Variants in QKI observed in about 807,000 individuals in gnomAD.
QKI encodes the protein KH domain-containing RNA-binding protein QKI.
QKI carries 10 observed loss-of-function variants against 39.0 expected under a neutral mutation model. The ratio of observed to expected loss-of-function variants is 0.26; its 90% CI spans 0.16 to 0.43. The LOEUF (loss-of-function observed/expected upper bound fraction) is 0.43, where lower values mean the gene tolerates loss of function less well. Among genes scored for constraint, QKI ranks in the 20% least tolerant of loss-of-function variants. The probability of loss-of-function intolerance (pLI) is 1.00; values close to 1 mark genes in which losing one functional copy is unlikely to be tolerated. For missense variants in QKI, 218 were observed against 428.0 expected (o/e 0.51, Z 4.33); for synonymous variants, 204 against 155.4 (o/e 1.31, Z -2.33).
chr6:163,565,234 A>G (rs527836814), intron 6 of QKI: 13 of 988,718 alleles, frequency 1.3e-5, no homozygotes, highest in Non-Finnish European at 1.6e-5. Context: ...TTTCTTTTCT[A>G]TTAATACTCT....
At chr6:163,478,499 T>C (rs1299138803) in intron 2 of QKI, among the ~76,000 whole-genome samples, 1 of 152,188 alleles carries the variant, frequency 6.6e-6, no homozygotes, top group Non-Finnish European at 1.5e-5. Context: ...ACTCTCTGTT[T>C]TAGGTTATTT....
Position 163,574,234 on chromosome 6 carries a change from T to C in QKI, c.*3524T>C, listed in dbSNP as rs924095058. ...ACCAGTTTGATTCTTTGTTGAACCA[T>C]TTCTTTTAATTTCTGTAAATAAGTA... On this transcript the variant is annotated 3_prime_UTR_variant, in exon 8 of 8. Coordinates refer to ENST00000361752, the MANE Select transcript of QKI (RefSeq NM_006775.3). 1.3e-5 allele frequency: 2 copies of C among 152,236 alleles called. No individual in the cohort carries two copies. The highest frequency in any genetic ancestry group is 4.8e-5 in the African/African-American group (2 of 41,462). The allele number at this position is 152,236 out of a possible 1,614,324, so 9.4% of individuals were successfully genotyped here. A position where few individuals can be genotyped will look rare whatever the true frequency, so the allele number is the denominator to read the frequency against.
rs540696879 is a variant in QKI at position 163,528,923 on chromosome 6, G to A, written c.403-6059G>A. Among the ~76,000 whole-genome samples, 16 of 152,250 alleles carry A rather than the reference G, an allele frequency of 1.1e-4. No individual in the cohort carries two copies. In the East Asian group the frequency reaches 3.1e-3, roughly 29 times the overall value. Reference sequence around the variant, plus strand: ...TATAGTATTTATATGTAATTTGCCTGTGCTGTCACTTTGCTGTTATATTGA... The same window carrying A: ...TATAGTATTTATATGTAATTTGCCTATGCTGTCACTTTGCTGTTATATTGA... On this transcript the variant is annotated intron_variant, in intron 3 of 7. Coordinates refer to ENST00000361752, the MANE Select transcript of QKI (RefSeq NM_006775.3).
At chr6:163,537,518 A>T (rs1437668012) in intron 4 of QKI, among the ~76,000 whole-genome samples, 1 of 152,176 alleles carries the variant, frequency 6.6e-6, no homozygotes, top group Non-Finnish European at 1.5e-5. Flanking sequence ...CTTGAAATGT[A>T]CCTTTAATAG....
chr6:163,457,337 C>G (rs772499519), intron 2 of QKI: 115 of 455,838 alleles, frequency 2.5e-4, no homozygotes, highest in Non-Finnish European at 4.9e-4. Context: ...GGACTTGAGT[C>G]TAGAGGGCAC....
In QKI at chr6:163,569,799, T is replaced by G. The variant is rs45599034; in HGVS notation, c.1010-895T>G. The G allele has an allele frequency of 2.2e-3, 2,138 of 984,822 alleles. 2 individuals are homozygous for G. Among genetic ancestry groups the G allele is most frequent in the Non-Finnish European group, 2.4e-3 (2,008 of 828,510 alleles). The allele number at this position is 984,822 out of a possible 1,614,324, so 61.0% of individuals were successfully genotyped here. A position where few individuals can be genotyped will look rare whatever the true frequency, so the allele number is the denominator to read the frequency against. On this transcript the variant is annotated intron_variant, in intron 7 of 7. Coordinates refer to ENST00000361752, the MANE Select transcript of QKI (RefSeq NM_006775.3). Reference sequence around the variant, plus strand: ...GCAGAGTATTAGCTTTGAAATTGAATAAAGAAAGCTGTTTGTAGTTTTAAA... The same window carrying G: ...GCAGAGTATTAGCTTTGAAATTGAAGAAAGAAAGCTGTTTGTAGTTTTAAA...
At chr6:163,432,810 G>T (rs1289357295) in intron 1 of QKI, among the ~76,000 whole-genome samples, 2 of 152,170 alleles carry the variant, frequency 1.3e-5, no homozygotes, top group African/African-American at 4.8e-5. Flanking sequence ...TTGATGTTCT[G>T]TACAGGTTGT....
At chr6:163,524,073 T>C (rs1254945236) in intron 3 of QKI, among the ~76,000 whole-genome samples, 1 of 152,196 alleles carries the variant, frequency 6.6e-6, no homozygotes, top group Non-Finnish European at 1.5e-5. Context: ...GTCCATTTTG[T>C]GTACTGCTTG....
intron 1 of QKI, among the ~76,000 whole-genome samples, chr6:163,453,062 T>C (rs1192588436): frequency 1.3e-5 from 2 of 151,942 alleles, no homozygotes; most frequent in African/African-American, 4.8e-5. Context: ...TCATTTTATC[T>C]GAATTTTCTG....
intron 1 of QKI, among the ~76,000 whole-genome samples, chr6:163,453,311 T>C (rs1790710403): frequency 6.6e-6 from 1 of 152,148 alleles, no homozygotes; most frequent in Non-Finnish European, 1.5e-5. Context: ...GCAAATTTTA[T>C]CTATAGTTTT....
chr6:163,421,205 T>TA (rs1787965656), intron 1 of QKI, among the ~76,000 whole-genome samples: 2 of 152,250 alleles, frequency 1.3e-5, no homozygotes, highest in Non-Finnish European at 2.9e-5. Context: ...AAAAACAACT[T>TA]AAAAACATGT....
rs549131636 is a variant in QKI at position 163,427,682 on chromosome 6, T to C, written c.142+12347T>C. 7.9e-5 allele frequency among the ~76,000 whole-genome samples: 12 copies of C among 152,030 alleles called. No individual in the cohort carries two copies. The East Asian group carries it at 2.3e-3, about 29-fold the overall frequency. Reference sequence around the variant, plus strand: ...GCGTGCGTGTGTGTGCCTGCATGTGTGTGCGCGCGTGTGTGTGTGATGGCA... The same window carrying C: ...GCGTGCGTGTGTGTGCCTGCATGTGCGTGCGCGCGTGTGTGTGTGATGGCA... On this transcript the variant is annotated intron_variant, in intron 1 of 7. Transcript: ENST00000361752.
intron 6 of QKI, 33 bp downstream of exon 6, chr6:163,563,752 T>G (rs1465736296): frequency 1.9e-6 from 3 of 1,573,436 alleles, no homozygotes; most frequent in Non-Finnish European, 2.6e-6. Context: ...TTAACAACAT[T>G]CTCTTTATAA....
At chr6:163,568,330 GCCT>G (rs1350155867) in intron 7 of QKI, 2 of 984,986 alleles carry the variant, frequency 2.0e-6, no homozygotes, top group African/African-American at 3.5e-5. Context: ...ATAATTATTG[GCCT>G]ACTTAATACT....
rs75242977 is a variant in QKI at position 163,528,419 on chromosome 6, A to G, written c.403-6563A>G. ...GCTAGGAATTAGTTGTTGAGGGTGCATGCTGTAAAGTTGCTCTGGCTAGGT... is the reference window on the plus strand; with the variant it reads ...GCTAGGAATTAGTTGTTGAGGGTGCGTGCTGTAAAGTTGCTCTGGCTAGGT... On this transcript the variant is annotated intron_variant, in intron 3 of 7. Transcript: ENST00000361752. 7.9e-3 allele frequency among the ~76,000 whole-genome samples: 1,205 copies of G among 152,248 alleles called. 17 individuals carry two copies. Among genetic ancestry groups the G allele is most frequent in the African/African-American group, 0.027 (1,141 of 41,540 alleles).
intron 3 of QKI, among the ~76,000 whole-genome samples, chr6:163,506,463 G>T (rs1230527002): frequency 6.6e-6 from 1 of 152,106 alleles, no homozygotes; most frequent in African/African-American, 2.4e-5. Context: ...TACAAATGAA[G>T]AAGAATACCC....
At chr6:163,417,762 A>G (rs2759388) in intron 1 of QKI, among the ~76,000 whole-genome samples, 46,498 of 152,000 alleles carry the variant, frequency 0.31, 7,465 homozygotes, top group Middle Eastern at 0.4. Context: ...TAGCCTTGTC[A>G]ATTCCCCAGT....
chr6:163,423,166 C>CA (rs1166440694), intron 1 of QKI: 2 of 152,158 alleles, frequency 1.3e-5, no homozygotes, highest in African/African-American at 2.4e-5. Context: ...AGTGTGCCTA[C>CA]AGTGCCAGCT....
chr6:163,576,399 A>C lies in QKI; in HGVS notation c.*5689A>C, dbSNP rs1377694607. ...AGCCACAGTGTTGATTCCACATTAT[A>C]ATGTTGTTGCCTCTTCTTGGCAAAA... On this transcript the variant is annotated 3_prime_UTR_variant, in exon 8 of 8. Coordinates refer to ENST00000361752, the MANE Select transcript of QKI (RefSeq NM_006775.3). 1 of 152,170 alleles carries C rather than the reference A, an allele frequency of 6.6e-6. No homozygotes were observed. The highest frequency in any genetic ancestry group is 2.4e-5 in the African/African-American group (1 of 41,414). The allele number at this position is 152,170 out of a possible 1,614,324, so 9.4% of individuals were successfully genotyped here.
Sources: gnomAD v4.1 joint callset for allele counts (sites outside exome capture counted in the v4.1 genomes callset) on GRCh38, gnomAD v4.1.1 for gene constraint, MANE v1.5 for transcripts, NCBI Gene and HGNC (gene_info 2026-07-23, HGNC 2026-07-21) for gene names.